CLEC17A: variants seen among roughly 807,000 people sequenced by gnomAD.
CLEC17A encodes the protein C-type lectin domain family 17, member A.
In CLEC17A, 37 loss-of-function variants were observed where a neutral mutation model predicts 61.3. That is an observed-to-expected ratio of 0.60 (90% confidence interval 0.46 to 0.79). The LOEUF is 0.79. Ranked by LOEUF, CLEC17A falls within the 30% of genes least tolerant of loss-of-function variation. CLEC17A has a pLI of 0.00. For missense variants in CLEC17A, 418 were observed against 464.7 expected, an observed-to-expected ratio of 0.90 and a Z score of 0.92; for synonymous variants, 168 against 164.9, an observed-to-expected ratio of 1.02 and a Z score of -0.14.
At chr19:14,582,454 T>C (rs1373870257), upstream of CLEC17A, among the ~76,000 whole-genome samples, 2 of 151,774 alleles carry the variant, frequency 1.3e-5, no homozygotes, top group Non-Finnish European at 1.5e-5. Flanking sequence ...CCTCGTGATC[T>C]GCCTGTCTCG....
rs1031136201 is a variant in CLEC17A, at chr19:14,607,732, G to A, written c.1004+630G>A. Among the ~76,000 whole-genome samples, 95 of 151,230 alleles carry A rather than the reference G, an allele frequency of 6.3e-4. 1 individual carries two copies. The highest frequency in any genetic ancestry group is 2.1e-4 in the South Asian group (1 of 4,796). ...GCTGGGATTACAGACACCCGCCGTC[G>A]TGCCTGGCTAATTTTTGTAATTTTG... On this transcript the variant is annotated intron_variant, in intron 13 of 13. Transcript: ENST00000417570.
chr19:14,597,798 C>T (rs987664683), intron 10 of CLEC17A, among the ~76,000 whole-genome samples: 10 of 152,058 alleles, frequency 6.6e-5, no homozygotes, highest in African/African-American at 2.4e-4. Context: ...TAGAAGAGGT[C>T]TCACTATGTT....
At chr19:14,597,224 C>T in intron 10 of CLEC17A, 63 bp downstream of exon 10, 1 of 1,451,730 alleles carries the variant, frequency 6.9e-7, no homozygotes. Flanking sequence ...TCCTCAGATC[C>T]AACTCCAAGA....
At chr19:14,606,573 G>A (rs916166742) in intron 12 of CLEC17A, among the ~76,000 whole-genome samples, 2 of 151,646 alleles carry the variant, frequency 1.3e-5, no homozygotes, top group African/African-American at 4.8e-5. Context: ...CCAGCTACTC[G>A]GGAGGTTGAG....
intron 3 of CLEC17A, 43 bp from the exon 4 acceptor site, chr19:14,592,238 G>T (rs2074437352): frequency 6.5e-7 from 1 of 1,534,300 alleles, no homozygotes; most frequent in Admixed American, 2.0e-5. Flanking sequence ...GGGATGGAGG[G>T]AGGAGGGAAT....
intron 13 of CLEC17A, among the ~76,000 whole-genome samples, chr19:14,607,328 C>T (rs1050930291): frequency 1.5e-4 from 22 of 151,634 alleles, no homozygotes; most frequent in South Asian, 2.1e-4. Flanking sequence ...CTCAGCCTCC[C>T]GAGTGGCTGG....
rs764674868 is a variant in CLEC17A, at chr19:14,592,312, C to G, written c.231C>G (p.Asp77Glu). 3 of 1,603,440 alleles carry G rather than the reference C, an allele frequency of 1.9e-6. No homozygotes were observed. Among genetic ancestry groups the G allele is most frequent in the South Asian group, 1.1e-5 (1 of 89,622 alleles). Reference sequence around the variant, plus strand: ...TGGAGGAGGAGGAGGAGGATGATGACTATGAGAACTCAACACCTCCCTACA... The same window carrying G: ...TGGAGGAGGAGGAGGAGGATGATGAGTATGAGAACTCAACACCTCCCTACA... ...GTMEEEEEDD[D>E]YENSTPPYKD... Residue 77 changes from aspartate (D) to glutamate (E), a missense_variant, in exon 4 of 14, where the codon GAC becomes GAG. Asp to Glu is a conservative substitution (Grantham distance 45, BLOSUM62 2). Transcript: ENST00000417570.
upstream of CLEC17A, among the ~76,000 whole-genome samples, chr19:14,582,215 ATT>A (rs35401111): frequency 1.2e-4 from 17 of 139,190 alleles, no homozygotes; most frequent in African/African-American, 2.9e-4. Context: ...TTGTAATGCC[ATT>A]TTTTTTTTTT....
chr19:14,603,725 C>T (rs911527037), intron 12 of CLEC17A, among the ~76,000 whole-genome samples: 20 of 152,186 alleles, frequency 1.3e-4, no homozygotes, highest in Middle Eastern at 3.4e-3. Flanking sequence ...CTTGACCTCC[C>T]GAAGTGCCGG....
intron 12 of CLEC17A, among the ~76,000 whole-genome samples, chr19:14,604,159 GCT>G (rs2146737533): frequency 6.6e-6 from 1 of 152,164 alleles, no homozygotes; most frequent in South Asian, 2.1e-4. Context: ...AGACCTTTCC[GCT>G]CTCTGATTTT....
At chr19:14,585,349 CA>C (rs1450958622) in intron 2 of CLEC17A, among the ~76,000 whole-genome samples, 5 of 152,268 alleles carry the variant, frequency 3.3e-5, no homozygotes, top group Admixed American at 6.5e-5. Flanking sequence ...ATGTGAAGCT[CA>C]GGGTCTACAT....
rs1044714754 is a variant in CLEC17A at position 14,583,096 on chromosome 19, C to T, written c.-65C>T. On this transcript the variant is annotated 5_prime_UTR_variant, in exon 1 of 14. Transcript: ENST00000417570. Reference sequence around the variant, plus strand: ...TGAGAGAGCCCCCAGACGCCTGAGTCGGAGAGACAGGGGGCAGAGGTTGCC... The same window carrying T: ...TGAGAGAGCCCCCAGACGCCTGAGTTGGAGAGACAGGGGGCAGAGGTTGCC... 66 of 1,577,282 alleles carry T rather than the reference C, an allele frequency of 4.2e-5. No homozygotes were observed. The highest frequency in any genetic ancestry group is 3.4e-4 in the East Asian group (15 of 44,738).
chr19:14,598,911 G>A (rs2074627366), intron 10 of CLEC17A, among the ~76,000 whole-genome samples: 1 of 151,916 alleles, frequency 6.6e-6, no homozygotes, highest in African/African-American at 2.4e-5. Context: ...AGTGAACCAC[G>A]ATTGCACTCC....
chr19:14,611,588 C>T lies in CLEC17A; in HGVS notation c.*1392C>T, dbSNP rs1388825254. ...AGGCATACCAGCTGAAAAGCAAGAC[C>T]CCTACATAGTGTGGCCAGGCAGGCC... On this transcript the variant is annotated 3_prime_UTR_variant, in exon 14 of 14. Coordinates refer to ENST00000417570, the MANE Select transcript of CLEC17A (RefSeq NM_001204118.2). 1.3e-5 allele frequency among the ~76,000 whole-genome samples: 2 copies of T among 151,978 alleles called. No homozygotes were observed. The highest frequency in any genetic ancestry group is 2.9e-5 in the Non-Finnish European group (2 of 67,992).
intron 13 of CLEC17A, among the ~76,000 whole-genome samples, chr19:14,609,695 G>A (rs549623230): frequency 2.6e-5 from 4 of 151,854 alleles, no homozygotes; most frequent in Non-Finnish European, 4.4e-5. Context: ...AAAACTAGCC[G>A]GGTGTGGTGG....
chr19:14,589,177 A>G (rs1028488305), intron 3 of CLEC17A, among the ~76,000 whole-genome samples: 1 of 148,350 alleles, frequency 6.7e-6, no homozygotes, highest in Non-Finnish European at 1.5e-5. Flanking sequence ...CATCCTAACC[A>G]CATCATGACC....
At chr19:14,586,557 G>A (rs1462175698) in intron 2 of CLEC17A, among the ~76,000 whole-genome samples, 1 of 151,932 alleles carries the variant, frequency 6.6e-6, no homozygotes, top group Non-Finnish European at 1.5e-5. Flanking sequence ...TGATAGCTGG[G>A]ACTACTGGTG....
intron 4 of CLEC17A, among the ~76,000 whole-genome samples, chr19:14,593,265 A>G (rs918674552): frequency 6.7e-6 from 1 of 148,432 alleles, no homozygotes; most frequent in African/African-American, 2.5e-5. Context: ...TCACTTAGCC[A>G]TGAGTTCACT....
intron 3 of CLEC17A, among the ~76,000 whole-genome samples, chr19:14,591,091 TAG>T (rs901824744): frequency 4.6e-5 from 7 of 151,986 alleles, no homozygotes; most frequent in Non-Finnish European, 7.4e-5. Flanking sequence ...TGGTGCTCTG[TAG>T]GGGAGCTCAA....
Sources: gnomAD v4.1 joint callset for allele counts (sites outside exome capture counted in the v4.1 genomes callset) on GRCh38, gnomAD v4.1.1 for gene constraint, MANE v1.5 for transcripts, NCBI Gene and HGNC (gene_info 2026-07-23, HGNC 2026-07-21) for gene names.